Variants in ROBO2 observed in about 807,000 individuals in gnomAD.
ROBO2 encodes the protein roundabout homolog 2.
Under a neutral mutation model 160.8 loss-of-function variants are expected in ROBO2, and 53 were observed. The observed-to-expected ratio is 0.33, with a 90% confidence interval of 0.26 to 0.41. ROBO2 has a LOEUF of 0.41. Ranked by LOEUF, ROBO2 falls within the 10% of genes least tolerant of loss-of-function variation. ROBO2 has a pLI of 1.00. For synonymous variants in ROBO2, 664 were observed against 611.7 expected, an observed-to-expected ratio of 1.09 and a Z score of -1.26; for missense variants, 1,577 against 1,722.4, an observed-to-expected ratio of 0.92 and a Z score of 1.49.
rs1156447309 is a variant in ROBO2 at position 77,295,343 on chromosome 3, A to G, written c.389-182071A>G. Among the ~76,000 whole-genome samples the G allele has an allele frequency of 1.3e-5, 2 of 150,792 alleles. 1 individual carries two copies. The highest frequency in any genetic ancestry group is 5.0e-5 in the African/African-American group (2 of 40,258). On this transcript the variant is annotated intron_variant, in intron 2 of 25. Coordinates refer to ENST00000461745, the Ensembl canonical transcript of ROBO2. ...GGGTAAGCTGAGGCTAGATCACCAA[A>G]GACATAAAGTAAAATTGATGGTTAA...
At chr3:76,747,372 A>G (rs901047483) in intron 2 of ROBO2, among the ~76,000 whole-genome samples, 2 of 152,102 alleles carry the variant, frequency 1.3e-5, no homozygotes, top group East Asian at 3.9e-4. Flanking sequence ...TTACTGACAT[A>G]TATACTTATC....
intron 2 of ROBO2, among the ~76,000 whole-genome samples, chr3:77,232,881 G>C (rs1012402143): frequency 1.3e-5 from 2 of 152,094 alleles, no homozygotes; most frequent in African/African-American, 4.8e-5. Context: ...GATTTTGGTT[G>C]CCTCATCATT....
chr3:76,003,650 A>G (rs530942193), intron 2 of ROBO2, among the ~76,000 whole-genome samples: 13 of 152,328 alleles, frequency 8.5e-5, no homozygotes, highest in Middle Eastern at 3.4e-3. Flanking sequence ...GATAGAAAAT[A>G]TAGTATTCCC....
At chr3:76,680,241 AT>A (rs1344708924) in intron 2 of ROBO2, among the ~76,000 whole-genome samples, 1 of 152,088 alleles carries the variant, frequency 6.6e-6, no homozygotes, top group African/African-American at 2.4e-5. Flanking sequence ...TATAAAATGT[AT>A]AAGCCTTACC....
intron 2 of ROBO2, among the ~76,000 whole-genome samples, chr3:76,551,492 G>T (rs907433197): frequency 6.6e-6 from 1 of 152,012 alleles, no homozygotes; most frequent in Non-Finnish European, 1.5e-5. Flanking sequence ...CTAATGGCAG[G>T]ACTGAAAAAG....
chr3:77,264,260 C>A (rs1418534698), intron 2 of ROBO2, among the ~76,000 whole-genome samples: 1 of 152,126 alleles, frequency 6.6e-6, no homozygotes, highest in East Asian at 1.9e-4. Flanking sequence ...AAATCTTGAT[C>A]TAGGTAAAAA....
At chr3:77,620,962 T>G (rs2094887916) in intron 22 of ROBO2, among the ~76,000 whole-genome samples, 1 of 152,218 alleles carries the variant, frequency 6.6e-6, no homozygotes, top group Non-Finnish European at 1.5e-5. Flanking sequence ...CACTTTTTAA[T>G]GCTGGTAACA....
intron 2 of ROBO2, among the ~76,000 whole-genome samples, chr3:77,416,804 A>G (rs1039569117): frequency 6.6e-6 from 1 of 151,958 alleles, no homozygotes; most frequent in Non-Finnish European, 1.5e-5. Flanking sequence ...GAGGGAGTAC[A>G]TCTCATTAAG....
At chr3:76,906,294 G>T (rs572937259) in intron 2 of ROBO2, among the ~76,000 whole-genome samples, 1 of 151,750 alleles carries the variant, frequency 6.6e-6, no homozygotes, top group East Asian at 1.9e-4. Flanking sequence ...ATACGCATAA[G>T]ATATATTACA....
intron 2 of ROBO2, among the ~76,000 whole-genome samples, chr3:77,116,507 G>T (rs1442895914): frequency 6.6e-6 from 1 of 151,902 alleles, no homozygotes; most frequent in Non-Finnish European, 1.5e-5. Flanking sequence ...CCCTTCCTTG[G>T]CTCCTTCTCC....
At chr3:77,322,420 T>C (rs2064814786) in intron 2 of ROBO2, among the ~76,000 whole-genome samples, 1 of 152,080 alleles carries the variant, frequency 6.6e-6, no homozygotes, top group Non-Finnish European at 1.5e-5. Flanking sequence ...CTAGTTGCAT[T>C]CTGAAGTCAA....
chr3:76,600,638 G>A (rs146193325), intron 2 of ROBO2, among the ~76,000 whole-genome samples: 2 of 152,180 alleles, frequency 1.3e-5, no homozygotes, highest in Admixed American at 1.3e-4. Flanking sequence ...TGCAGGAAAG[G>A]CCCACCCCCA....
At chr3:76,758,953 C>T (rs72892385) in intron 2 of ROBO2, among the ~76,000 whole-genome samples, 3,008 of 151,838 alleles carry the variant, frequency 0.02, 94 homozygotes, top group African/African-American at 0.067. Flanking sequence ...TTTTGCTATG[C>T]GTATGAAGGA....
intron 1 of ROBO2, among the ~76,000 whole-genome samples, chr3:77,045,164 A>G (rs1180107027): frequency 1.3e-5 from 2 of 151,858 alleles, no homozygotes; most frequent in Non-Finnish European, 2.9e-5. Context: ...ATGATTATAA[A>G]CTCTTTTTAA....
chr3:76,283,394 T>G (rs1412304625), intron 2 of ROBO2, among the ~76,000 whole-genome samples: 1 of 151,690 alleles, frequency 6.6e-6, no homozygotes, highest in Non-Finnish European at 1.5e-5. Flanking sequence ...CTCCAAACTT[T>G]AGGTTAAGAT....
At position 77,417,607 on chromosome 3, in the gene ROBO2, C is replaced by T. The variant is rs994353706; in HGVS notation, c.389-59807C>T. Reference sequence around the variant, plus strand: ...TGCTTACTTGACCAATCCACAAAAACTCCATTGATTTGTACCACTTTAGTC... The same window carrying T: ...TGCTTACTTGACCAATCCACAAAAATTCCATTGATTTGTACCACTTTAGTC... On this transcript the variant is annotated intron_variant, in intron 2 of 25. Coordinates refer to ENST00000461745, the Ensembl canonical transcript of ROBO2. Among the ~76,000 whole-genome samples, 6 of 152,060 alleles carry T rather than the reference C, an allele frequency of 3.9e-5. No individual in the cohort carries two copies. The East Asian group carries it at 5.8e-4, about 15-fold the overall frequency.
chr3:76,577,926 C>T (rs2108677732), intron 2 of ROBO2, among the ~76,000 whole-genome samples: 1 of 152,256 alleles, frequency 6.6e-6, no homozygotes, highest in Admixed American at 6.5e-5. Flanking sequence ...ATATGTTTTA[C>T]ATCGCTTTTC....
intron 2 of ROBO2, among the ~76,000 whole-genome samples, chr3:77,418,137 T>A (rs920674665): frequency 6.9e-6 from 1 of 144,548 alleles, no homozygotes; most frequent in African/African-American, 2.5e-5. Context: ...AACATCCTTA[T>A]ATTTTTTTTA....
chr3:76,837,220 C>T (rs1423163607), intron 2 of ROBO2, among the ~76,000 whole-genome samples: 10 of 151,810 alleles, frequency 6.6e-5, no homozygotes, highest in Admixed American at 6.6e-4. Flanking sequence ...ATATTTTACA[C>T]TAAATATTTC....
Sources: gnomAD v4.1 joint callset for allele counts (sites outside exome capture counted in the v4.1 genomes callset) on GRCh38, gnomAD v4.1.1 for gene constraint, MANE v1.5 for transcripts, NCBI Gene and HGNC (gene_info 2026-07-23, HGNC 2026-07-21) for gene names.